Variants in DNAJC1 observed in about 807,000 individuals in gnomAD.
DNAJC1 encodes dnaJ homolog subfamily C member 1.
A neutral mutation model predicts 76.6 loss-of-function variants in DNAJC1; 58 were observed. The ratio of observed to expected loss-of-function variants is 0.76; its 90% CI spans 0.61 to 0.94. The LOEUF is 0.94. Ranked by LOEUF, DNAJC1 falls within the 40% of genes least tolerant of loss-of-function variation. DNAJC1 has a pLI of 0.00. For missense variants in DNAJC1, 689 were observed against 677.3 expected, an observed-to-expected ratio of 1.02 and a Z score of -0.19; for synonymous variants, 258 against 267.9, an observed-to-expected ratio of 0.96 and a Z score of 0.36.
At chr10:21,939,432 T>C (rs1248403408) in intron 1 of DNAJC1, among the ~76,000 whole-genome samples, 1 of 152,202 alleles carries the variant, frequency 6.6e-6, no homozygotes, top group Non-Finnish European at 1.5e-5. Context: ...GCATGACATT[T>C]TGGTCAATGA....
At chr10:21,907,804 C>G (rs975546420) in intron 6 of DNAJC1, among the ~76,000 whole-genome samples, 29 of 149,784 alleles carry the variant, frequency 1.9e-4, no homozygotes, top group Non-Finnish European at 3.1e-4. Flanking sequence ...TGGTGAAGCC[C>G]CATGTGTACT....
At chr10:21,874,662 G>A (rs1564814368) in intron 8 of DNAJC1, among the ~76,000 whole-genome samples, 1 of 152,054 alleles carries the variant, frequency 6.6e-6, no homozygotes. Flanking sequence ...AATAGATATG[G>A]TTTTATTTTA....
At chr10:21,875,516 T>C (rs910698284) in intron 8 of DNAJC1, among the ~76,000 whole-genome samples, 3 of 152,242 alleles carry the variant, frequency 2.0e-5, no homozygotes, top group Non-Finnish European at 2.9e-5. Context: ...AAGCTTTCTT[T>C]GAGATTGGGA....
chr10:21,812,475 AT>A (rs1005191114), intron 8 of DNAJC1, among the ~76,000 whole-genome samples: 1 of 152,010 alleles, frequency 6.6e-6, no homozygotes, highest in Non-Finnish European at 1.5e-5. Context: ...TAGTTTTAAG[AT>A]TTTTTTATAT....
chr10:21,858,170 T>C (rs954392563), intron 8 of DNAJC1, among the ~76,000 whole-genome samples: 6 of 152,128 alleles, frequency 3.9e-5, no homozygotes, highest in African/African-American at 1.4e-4. Context: ...TTTTTATGTG[T>C]TACATCATTC....
intron 7 of DNAJC1, among the ~76,000 whole-genome samples, chr10:21,898,888 C>T (rs1373664911): frequency 6.6e-6 from 1 of 151,724 alleles, no homozygotes; most frequent in Non-Finnish European, 1.5e-5. Flanking sequence ...GTCTACAACG[C>T]TCAGAGAGAG....
intron 1 of DNAJC1, among the ~76,000 whole-genome samples, chr10:21,933,990 G>A (rs184348611): frequency 6.6e-6 from 1 of 151,962 alleles, no homozygotes; most frequent in African/African-American, 2.4e-5. Context: ...ATTTCAGAGG[G>A]AAATTTAAAA....
At chr10:21,809,586 T>G (rs1489455744) in intron 8 of DNAJC1, among the ~76,000 whole-genome samples, 2 of 151,472 alleles carry the variant, frequency 1.3e-5, no homozygotes, top group African/African-American at 2.4e-5. Context: ...ACATAACACA[T>G]TATTAGATAT....
At chr10:21,837,270 C>G (rs879798956) in intron 8 of DNAJC1, among the ~76,000 whole-genome samples, 24 of 152,208 alleles carry the variant, frequency 1.6e-4, no homozygotes, top group Admixed American at 1.6e-3. Context: ...ACACCCTCCA[C>G]CTCCCAGCCG....
chr10:21,770,563 A>G (rs1318598003), intron 9 of DNAJC1, among the ~76,000 whole-genome samples: 1 of 151,874 alleles, frequency 6.6e-6, no homozygotes, highest in Non-Finnish European at 1.5e-5. Context: ...ATGCCCGGCT[A>G]ATTTTTTGTA....
intron 1 of DNAJC1, among the ~76,000 whole-genome samples, chr10:21,991,421 G>C (rs1017075816): frequency 6.6e-6 from 1 of 152,134 alleles, no homozygotes; most frequent in Non-Finnish European, 1.5e-5. Flanking sequence ...AATGTTCCTA[G>C]AACAGCATGA....
chr10:21,820,668 C>A (rs929817567), intron 8 of DNAJC1, among the ~76,000 whole-genome samples: 4 of 152,208 alleles, frequency 2.6e-5, no homozygotes, highest in African/African-American at 4.8e-5. Flanking sequence ...GGAGTTCCCC[C>A]CAGACCCTCC....
At chr10:21,836,127 C>G (rs1417080743) in intron 8 of DNAJC1, among the ~76,000 whole-genome samples, 1 of 152,202 alleles carries the variant, frequency 6.6e-6, no homozygotes, top group African/African-American at 2.4e-5. Flanking sequence ...CAGCGGATCT[C>G]TCGGCAGAAA....
intron 8 of DNAJC1, among the ~76,000 whole-genome samples, chr10:21,844,119 G>A (rs1249058011): frequency 6.6e-6 from 1 of 152,098 alleles, no homozygotes; most frequent in Non-Finnish European, 1.5e-5. Flanking sequence ...GACCTCCCCA[G>A]CCAAGTGGAA....
At chr10:21,964,747 G>T (rs1837861763) in intron 1 of DNAJC1, among the ~76,000 whole-genome samples, 1 of 149,376 alleles carries the variant, frequency 6.7e-6, no homozygotes. Context: ...TTGTTTTTCA[G>T]GAACTGTCTT....
chr10:21,896,924 CT>C (rs1289874803), intron 7 of DNAJC1, among the ~76,000 whole-genome samples: 3 of 152,158 alleles, frequency 2.0e-5, no homozygotes, highest in Non-Finnish European at 2.9e-5. Flanking sequence ...CATTCAACCC[CT>C]TTTCCCCTTC....
intron 1 of DNAJC1, among the ~76,000 whole-genome samples, chr10:21,943,455 C>T (rs1265999917): frequency 6.6e-6 from 1 of 152,196 alleles, no homozygotes; most frequent in Non-Finnish European, 1.5e-5. Context: ...TCCTTCCTTT[C>T]CTCTGCTTCT....
At chr10:21,812,336 T>C (rs1589990549) in intron 8 of DNAJC1, among the ~76,000 whole-genome samples, 1 of 152,110 alleles carries the variant, frequency 6.6e-6, no homozygotes, top group South Asian at 2.1e-4. Flanking sequence ...GGATTACAGG[T>C]GTGAGCCACT....
Position 21,759,192 on chromosome 10 carries a change from CT to C in DNAJC1, c.1573del (p.Arg525AspfsTer36), listed in dbSNP as rs749622030. The C allele has an allele frequency of 1.9e-5, 31 of 1,614,020 alleles. No homozygotes were observed. Among genetic ancestry groups the C allele is most frequent in the Non-Finnish European group, 2.4e-5 (28 of 1,179,966 alleles). Reference protein sequence around the residue: ...GSSDRWDKIARCVPSKSKEDC... With the variant: ...GSSDRWDKIAXCVPSKSKEDC... ...CACCTTGCTCTTGGACGGGACACAT[CT>C]GGCTATTTTGTCCCAGCGGTCAGAG... On this transcript the variant is annotated frameshift_variant, in exon 11 of 12. Coordinates refer to ENST00000376980, the MANE Select transcript of DNAJC1 (RefSeq NM_022365.4). LOFTEE classifies it high-confidence loss of function.
Sources: allele counts gnomAD v4.1 joint callset (sites outside exome capture counted in the v4.1 genomes callset), GRCh38; gene constraint gnomAD v4.1.1; transcripts MANE v1.5; gene names NCBI Gene and HGNC (gene_info 2026-07-23, HGNC 2026-07-21).